The following CD2 variants were observed in gnomAD, a reference collection of about 807,000 sequenced individuals.
The protein encoded by CD2 is T-cell surface antigen CD2.
In CD2, 18 loss-of-function variants were observed where a neutral mutation model predicts 23.2. The ratio of observed to expected loss-of-function variants is 0.77; its 90% CI spans 0.54 to 1.15. The LOEUF (loss-of-function observed/expected upper bound fraction) is 1.15, where lower values mean the gene tolerates loss of function less well. Among genes scored for constraint, CD2 ranks in the 50% most tolerant of loss-of-function variants. The pLI is 0.00. For missense variants in CD2, 424 were observed against 423.1 expected (o/e 1.00, Z -0.02); for synonymous variants, 162 against 151.9 (o/e 1.07, Z -0.49).
rs1160472836 is a variant in CD2, at chr1:116,764,551, G to A, written c.681G>A (p.Val227=). The change falls in exon 4 of 5, where the codon GTG becomes GTA. Residue 227 remains valine (V), a synonymous_variant. Coordinates refer to ENST00000369478, the MANE Select transcript of CD2 (RefSeq NM_001767.5). Reference sequence around the variant, plus strand: ...GAGGCAGCCTCTTGATGGTCTTTGTGGCACTGCTCGTTTTCTATATCACCA... The same window carrying A: ...GAGGCAGCCTCTTGATGGTCTTTGTAGCACTGCTCGTTTTCTATATCACCA... ...CGGGSLLMVF[V]ALLVFYITKR... 6.2e-7 allele frequency: 1 copy of A among 1,614,074 alleles called. No individual in the cohort carries two copies. Among genetic ancestry groups the A allele is most frequent in the Non-Finnish European group, 8.5e-7 (1 of 1,180,014 alleles).
At chr1:116,763,432 C>A (rs1250008876) in intron 3 of CD2, among the ~76,000 whole-genome samples, 5 of 152,160 alleles carry the variant, frequency 3.3e-5, no homozygotes, top group Non-Finnish European at 7.4e-5. Flanking sequence ...CGTCCCCTGA[C>A]CCGAGCCCCA....
At chr1:116,758,319 G>T (rs1651925994) in intron 2 of CD2, among the ~76,000 whole-genome samples, 1 of 152,034 alleles carries the variant, frequency 6.6e-6, no homozygotes, top group Admixed American at 6.5e-5. Context: ...CCCAGCATGA[G>T]CACAGGCCAG....
In CD2 at chr1:116,769,036, C is replaced by G. The variant is rs1652314180; in HGVS notation, c.*253C>G. The G allele has an allele frequency of 8.7e-6, 4 of 460,590 alleles. No homozygotes were observed. Among genetic ancestry groups the G allele is most frequent in the Non-Finnish European group, 1.5e-5 (4 of 260,608 alleles). The allele number at this position is 460,590 out of a possible 1,614,324, so 28.5% of individuals were successfully genotyped here. A position where few individuals can be genotyped will look rare whatever the true frequency, so the allele number is the denominator to read the frequency against. Reference sequence around the variant, plus strand: ...GTGTGATTGCAAGAATGGTAGAGGACCGAGCACAGAAATCTTAGAGATTTC... The same window carrying G: ...GTGTGATTGCAAGAATGGTAGAGGAGCGAGCACAGAAATCTTAGAGATTTC... On this transcript the variant is annotated 3_prime_UTR_variant, in exon 5 of 5. Transcript: ENST00000369478.
At chr1:116,763,787 C>T (rs971776932) in intron 3 of CD2, among the ~76,000 whole-genome samples, 3 of 152,140 alleles carry the variant, frequency 2.0e-5, no homozygotes, top group African/African-American at 7.2e-5. Flanking sequence ...CTGTTTTCCT[C>T]ATTGCATTAC....
At position 116,759,562 on chromosome 1, in the gene CD2, G is replaced by C. The variant is rs142990596; in HGVS notation, c.383-840G>C. On this transcript the variant is annotated intron_variant, in intron 2 of 4. Transcript: ENST00000369478. ...TTTGTGGTGCAATCTCTGTGCGGGA[G>C]AGGCAAGAGGTTTGTGATTATCGAA... Among the ~76,000 whole-genome samples, 415 of 152,312 alleles carry C rather than the reference G, an allele frequency of 2.7e-3. 4 individuals carry two copies. The highest frequency in any genetic ancestry group is 9.4e-3 in the African/African-American group (389 of 41,564).
At chr1:116,759,024 TAGTATATTCAG>T (rs1651951284) in intron 2 of CD2, among the ~76,000 whole-genome samples, 1 of 152,144 alleles carries the variant, frequency 6.6e-6, no homozygotes, top group Non-Finnish European at 1.5e-5. Flanking sequence ...AAACGGCCTT[TAGTATATTCAG>T]AGTTTTGCAA....
At chr1:116,766,841 A>G (rs1652232259) in intron 4 of CD2, among the ~76,000 whole-genome samples, 1 of 152,116 alleles carries the variant, frequency 6.6e-6, no homozygotes, top group African/African-American at 2.4e-5. Flanking sequence ...CAGTCTGGGC[A>G]ACAGAGCAAG....
intron 2 of CD2, among the ~76,000 whole-genome samples, chr1:116,758,679 C>A (rs1326435265): frequency 1.3e-5 from 2 of 152,140 alleles, no homozygotes; most frequent in Non-Finnish European, 2.9e-5. Flanking sequence ...TGAGTGTGAG[C>A]CCTACATGGG....
intron 2 of CD2, among the ~76,000 whole-genome samples, chr1:116,759,125 C>T (rs749169820): frequency 3.9e-5 from 6 of 152,154 alleles, no homozygotes; most frequent in South Asian, 2.1e-4. Flanking sequence ...GGGCAAACTT[C>T]GTGACCCAAC....
chr1:116,766,230 C>T (rs974953392), intron 4 of CD2, among the ~76,000 whole-genome samples: 64 of 152,314 alleles, frequency 4.2e-4, no homozygotes, highest in Non-Finnish European at 7.4e-5. Context: ...CACATTTAGG[C>T]GCCAGCTGCA....
At chr1:116,765,373 A>T (rs1652183818) in intron 4 of CD2, among the ~76,000 whole-genome samples, 1 of 152,108 alleles carries the variant, frequency 6.6e-6, no homozygotes, top group South Asian at 2.1e-4. Context: ...TCTCCCTAGA[A>T]CCGGCAGGCA....
At chr1:116,759,875 G>A (rs1263707457) in intron 2 of CD2, among the ~76,000 whole-genome samples, 1 of 152,154 alleles carries the variant, frequency 6.6e-6, no homozygotes, top group Non-Finnish European at 1.5e-5. Flanking sequence ...ACTTGGTGGG[G>A]GCAGAGGTAT....
chr1:116,766,621 C>T (rs550722443), intron 4 of CD2, among the ~76,000 whole-genome samples: 1 of 151,820 alleles, frequency 6.6e-6, no homozygotes, highest in South Asian at 2.1e-4. Context: ...TTTGGGAGGC[C>T]GAGGCAGGAG....
At chr1:116,767,626 C>T (rs1652255542) in intron 4 of CD2, among the ~76,000 whole-genome samples, 1 of 151,956 alleles carries the variant, frequency 6.6e-6, no homozygotes, top group East Asian at 1.9e-4. Context: ...TTATTTCACC[C>T]CAGGGAAAAA....
At position 116,764,611 on chromosome 1, in the gene CD2, G is replaced by A. The variant is rs748013173; in HGVS notation, c.736+5G>A. 1.4e-5 allele frequency: 22 copies of A among 1,612,768 alleles called. No homozygotes were observed. The highest frequency in any genetic ancestry group is 1.6e-5 in the Non-Finnish European group (19 of 1,179,030). ...AACAGAGGAGTCGGAGAAATGGTAAGCTCCCCCTCTTTTGTCCCACCGCAG... is the reference window on the plus strand; with the variant it reads ...AACAGAGGAGTCGGAGAAATGGTAAACTCCCCCTCTTTTGTCCCACCGCAG... On this transcript the variant is annotated splice_donor_5th_base_variant and intron_variant, in intron 4 of 4. Coordinates refer to ENST00000369478, the MANE Select transcript of CD2 (RefSeq NM_001767.5).
In CD2 at chr1:116,760,555, G is replaced by A; in HGVS notation, c.536G>A (p.Ser179Asn). The change falls in exon 3 of 5, where the codon AGC (serine) becomes AAC (asparagine). Residue 179 changes from serine to asparagine, a missense_variant. Transcript: ENST00000369478. ...GTCATCACACACAAGTGGACCACCAGCCTGAGTGCAAAATTCAAGTGCACA... is the reference window on the plus strand; with the variant it reads ...GTCATCACACACAAGTGGACCACCAACCTGAGTGCAAAATTCAAGTGCACA... ...QRVITHKWTT[S>N]LSAKFKCTAG... 2.5e-6 allele frequency: 4 copies of A among 1,614,208 alleles called. No individual in the cohort carries two copies. Among genetic ancestry groups the A allele is most frequent in the East Asian group, 2.2e-5 (1 of 44,876 alleles).
At chr1:116,765,439 G>A (rs1407398664) in intron 4 of CD2, among the ~76,000 whole-genome samples, 5 of 152,160 alleles carry the variant, frequency 3.3e-5, no homozygotes, top group Admixed American at 6.5e-5. Flanking sequence ...ACTTCCCCAG[G>A]CACCGGTGGC....
intron 2 of CD2, among the ~76,000 whole-genome samples, chr1:116,759,249 C>G (rs185445197): frequency 2.2e-4 from 33 of 152,072 alleles, no homozygotes; most frequent in Non-Finnish European, 3.5e-4. Context: ...TTTCTGCATG[C>G]CTATATATAT....
intron 2 of CD2, among the ~76,000 whole-genome samples, chr1:116,755,369 C>A (rs1022308291): frequency 6.6e-6 from 1 of 152,160 alleles, no homozygotes; most frequent in Non-Finnish European, 1.5e-5. Flanking sequence ...CCATTTCAAG[C>A]CAGGCTGCCC....
Sources: allele counts gnomAD v4.1 joint callset (sites outside exome capture counted in the v4.1 genomes callset), GRCh38; gene constraint gnomAD v4.1.1; transcripts MANE v1.5; gene names NCBI Gene and HGNC (gene_info 2026-07-23, HGNC 2026-07-21).